Variants in UVRAG observed in about 807,000 individuals in gnomAD.
The protein encoded by UVRAG is UV radiation resistance-associated gene protein.
In UVRAG, 19 loss-of-function variants were observed where a neutral mutation model predicts 78.0. That is an observed-to-expected ratio of 0.24 (90% CI 0.17 to 0.36). UVRAG has a LOEUF of 0.36. Ranked by LOEUF, UVRAG falls within the 10% of genes least tolerant of loss-of-function variation. The pLI, the probability that UVRAG is intolerant of heterozygous loss-of-function variation, is 1.00. For missense variants in UVRAG, 740 were observed against 853.8 expected, an observed-to-expected ratio of 0.87 and a Z score of 1.66; for synonymous variants, 323 against 324.6, an observed-to-expected ratio of 1.00 and a Z score of 0.05.
At chr11:75,896,247 C>G (rs775686714) in intron 5 of UVRAG, among the ~76,000 whole-genome samples, 2 of 151,986 alleles carry the variant, frequency 1.3e-5, no homozygotes, top group Non-Finnish European at 2.9e-5. Flanking sequence ...GAGATTTCTA[C>G]AGGGGTTTTC....
intron 7 of UVRAG, among the ~76,000 whole-genome samples, chr11:75,963,989 C>T (rs934313367): frequency 6.6e-6 from 1 of 152,046 alleles, no homozygotes; most frequent in Non-Finnish European, 1.5e-5. Flanking sequence ...AGATTCCTTT[C>T]CTGTATCTGT....
At chr11:76,014,340 T>C (rs1950108393) in intron 11 of UVRAG, among the ~76,000 whole-genome samples, 2 of 152,240 alleles carry the variant, frequency 1.3e-5, no homozygotes, top group African/African-American at 4.8e-5. Flanking sequence ...AGAGGCCTGC[T>C]CCTTTCTGGA....
intron 10 of UVRAG, 24 bp downstream of exon 10, chr11:76,007,645 T>C (rs1174416526): frequency 6.3e-7 from 1 of 1,591,000 alleles, no homozygotes; most frequent in African/African-American, 1.3e-5. Flanking sequence ...TTTCTGAAAA[T>C]ATTTTTCGTT....
intron 13 of UVRAG, among the ~76,000 whole-genome samples, chr11:76,102,914 G>A (rs1181116680): frequency 6.6e-6 from 1 of 152,152 alleles, no homozygotes. Flanking sequence ...GTGTTGGCCA[G>A]GCTGAGCTCT....
intron 2 of UVRAG, among the ~76,000 whole-genome samples, chr11:75,857,952 T>C (rs114072158): frequency 0.02 from 3,005 of 152,210 alleles, 89 homozygotes; most frequent in African/African-American, 0.068. Flanking sequence ...TTAAGATCAC[T>C]TGACATACTA....
intron 12 of UVRAG, among the ~76,000 whole-genome samples, chr11:76,039,741 G>T (rs1844190813): frequency 6.6e-6 from 1 of 152,180 alleles, no homozygotes; most frequent in East Asian, 1.9e-4. Flanking sequence ...CGGATGTGGG[G>T]GTGGGCACCT....
intron 1 of UVRAG, among the ~76,000 whole-genome samples, chr11:75,824,785 T>C (rs1365192267): frequency 1.3e-5 from 2 of 149,450 alleles, no homozygotes; most frequent in Non-Finnish European, 3.0e-5. Flanking sequence ...GCCATTCTCC[T>C]GCCTCAGCCT....
chr11:76,105,948 GT>G (rs1454073197), intron 13 of UVRAG, among the ~76,000 whole-genome samples: 1 of 152,076 alleles, frequency 6.6e-6, no homozygotes, highest in East Asian at 1.9e-4. Flanking sequence ...TAAAAATAAA[GT>G]TTAAGATATA....
intron 13 of UVRAG, among the ~76,000 whole-genome samples, chr11:76,081,350 C>T (rs762454608): frequency 6.6e-6 from 1 of 152,010 alleles, no homozygotes; most frequent in Non-Finnish European, 1.5e-5. Context: ...AGATTACAGG[C>T]ACCTGCCACC....
At chr11:75,879,050 G>A (rs576440366) in intron 3 of UVRAG, among the ~76,000 whole-genome samples, 1 of 152,296 alleles carries the variant, frequency 6.6e-6, no homozygotes, top group East Asian at 1.9e-4. Context: ...TTTTCAGAGA[G>A]GGTTTCGACT....
intron 12 of UVRAG, among the ~76,000 whole-genome samples, chr11:76,033,497 A>T (rs1411958167): frequency 6.6e-6 from 1 of 152,168 alleles, no homozygotes; most frequent in Non-Finnish European, 1.5e-5. Context: ...GGATTTCTTA[A>T]CTAAATCACA....
chr11:75,833,839 GT>G (rs1945717654), intron 1 of UVRAG, among the ~76,000 whole-genome samples: 1 of 152,220 alleles, frequency 6.6e-6, no homozygotes, highest in Non-Finnish European at 1.5e-5. Flanking sequence ...TCATGTTATT[GT>G]TTGTGGTTTA....
chr11:76,082,068 A>G (rs1203545311), intron 13 of UVRAG, among the ~76,000 whole-genome samples: 1 of 152,174 alleles, frequency 6.6e-6, no homozygotes, highest in African/African-American at 2.4e-5. Flanking sequence ...TACCTCTGGA[A>G]GTGAGAAGGG....
At chr11:76,115,778 G>C (rs990591172) in intron 13 of UVRAG, 146 bp from the exon 14 acceptor site, 3 of 678,084 alleles carry the variant, frequency 4.4e-6, no homozygotes, top group Non-Finnish European at 7.5e-6. Flanking sequence ...TACCCAGTAA[G>C]TGGAAAGTAC....
intron 12 of UVRAG, among the ~76,000 whole-genome samples, chr11:76,020,883 C>G (rs1312595673): frequency 1.3e-5 from 2 of 152,080 alleles, no homozygotes; most frequent in African/African-American, 2.4e-5. Context: ...TGCCAAAACT[C>G]AAGTTCTAAC....
At chr11:75,933,373 C>T (rs1321874128) in intron 6 of UVRAG, among the ~76,000 whole-genome samples, 1 of 152,150 alleles carries the variant, frequency 6.6e-6, no homozygotes. Context: ...GGGTTAAAGA[C>T]ATGAATCTAA....
chr11:75,848,323 A>C lies in UVRAG; in HGVS notation c.118-3560A>C, dbSNP rs773816059. 1.2e-3 allele frequency among the ~76,000 whole-genome samples: 187 copies of C among 152,372 alleles called. 2 individuals are homozygous for C. Among genetic ancestry groups the C allele is most frequent in the Non-Finnish European group, 1.4e-3 (96 of 68,030 alleles). ...TTTGAAATAAGTAAAATAAAGGAAA[A>C]GGGCAAAAAGTCATACAGCCCACAG... On this transcript the variant is annotated intron_variant, in intron 1 of 14. Coordinates refer to ENST00000356136, the MANE Select transcript of UVRAG (RefSeq NM_003369.4).
At chr11:75,815,787 C>A (rs1468247356) in intron 1 of UVRAG, among the ~76,000 whole-genome samples, 1 of 152,162 alleles carries the variant, frequency 6.6e-6, no homozygotes, top group South Asian at 2.1e-4. Context: ...GCTCAAGTCC[C>A]TGGGGCCCCG....
chr11:76,074,995 T>G (rs1023398974), intron 13 of UVRAG, among the ~76,000 whole-genome samples: 1 of 152,154 alleles, frequency 6.6e-6, no homozygotes, highest in African/African-American at 2.4e-5. Context: ...TCTGTAAATC[T>G]TTACTCCTGG....
Sources: allele counts gnomAD v4.1 joint callset (sites outside exome capture counted in the v4.1 genomes callset), GRCh38; gene constraint gnomAD v4.1.1; transcripts MANE v1.5; gene names NCBI Gene and HGNC (gene_info 2026-07-23, HGNC 2026-07-21).